The following STT3B variants were observed in gnomAD, a reference collection of about 807,000 sequenced individuals.
STT3B encodes dolichyl-diphosphooligosaccharide--protein glycosyltransferase subunit STT3B.
A neutral mutation model predicts 96.8 loss-of-function variants in STT3B; 29 were observed. The observed-to-expected ratio is 0.30, with a 90% CI of 0.22 to 0.41. STT3B has a LOEUF of 0.41. Ranked by LOEUF, STT3B falls within the 10% of genes least tolerant of loss-of-function variation. STT3B has a pLI of 1.00. For synonymous variants in STT3B, 367 were observed against 360.0 expected, an observed-to-expected ratio of 1.02 and a Z score of -0.22; for missense variants, 640 against 1,022.3, an observed-to-expected ratio of 0.63 and a Z score of 5.10.
chr3:31,604,138 T>A (rs749086246), intron 5 of STT3B, among the ~76,000 whole-genome samples: 1 of 152,084 alleles, frequency 6.6e-6, no homozygotes, highest in Admixed American at 6.5e-5. Context: ...CTGCAGTGAG[T>A]TGAGTAAGGA....
At chr3:31,591,046 C>G (rs989741503) in intron 3 of STT3B, among the ~76,000 whole-genome samples, 1 of 152,052 alleles carries the variant, frequency 6.6e-6, no homozygotes, top group African/African-American at 2.4e-5. Flanking sequence ...TTTTTCTTTT[C>G]AAGTTCTATC....
At chr3:31,624,763 AC>A in intron 11 of STT3B, 150 bp from the exon 12 acceptor site, 1 of 536,080 alleles carries the variant, frequency 1.9e-6, no homozygotes, top group Non-Finnish European at 3.2e-6. Flanking sequence ...TCATTGTTTC[AC>A]TTTTTTTTTT....
intron 1 of STT3B, among the ~76,000 whole-genome samples, chr3:31,551,390 A>G (rs1428269444): frequency 6.6e-6 from 1 of 151,876 alleles, no homozygotes. Flanking sequence ...TAATTTTGAA[A>G]AATTTCTGGT....
At chr3:31,533,426 G>A in intron 1 of STT3B, 114 bp downstream of exon 1, 1 of 1,249,332 alleles carries the variant, frequency 8.0e-7, no homozygotes, top group Non-Finnish European at 1.0e-6. Context: ...AGCCCCGCTC[G>A]CGTCCTGGCT....
intron 1 of STT3B, 80 bp downstream of exon 1, chr3:31,533,392 C>T (rs1696994233): frequency 7.5e-7 from 1 of 1,337,734 alleles, no homozygotes; most frequent in Non-Finnish European, 9.6e-7. Context: ...CAGCTCTCCT[C>T]GACTTGGCCC....
intron 3 of STT3B, among the ~76,000 whole-genome samples, chr3:31,580,995 CTA>C (rs1698371947): frequency 1.3e-5 from 2 of 149,476 alleles, no homozygotes; most frequent in African/African-American, 4.9e-5. Flanking sequence ...TTTTAATAAA[CTA>C]TATAATATTT....
In STT3B at chr3:31,596,824, T is replaced by G; in HGVS notation, c.738T>G (p.Val246=). The G allele has an allele frequency of 1.2e-6, 2 of 1,612,962 alleles. No individual in the cohort carries two copies. The highest frequency in any genetic ancestry group is 1.7e-6 in the Non-Finnish European group (2 of 1,179,360). ...LWVKSVKTGS[V]FWTMCCCLSY... is the part of the protein sequence containing the mutation. ...TAAAATCTGTAAAAACTGGGTCAGT[T>G]TTTTGGACAATGTGCTGCTGCTTAT... The change falls in exon 4 of 16, where the codon GTT becomes GTG. Residue 246 remains valine, a synonymous_variant. Coordinates refer to ENST00000295770, the MANE Select transcript of STT3B (RefSeq NM_178862.3).
At chr3:31,558,424 A>T (rs1381264881) in intron 1 of STT3B, among the ~76,000 whole-genome samples, 2 of 152,158 alleles carry the variant, frequency 1.3e-5, no homozygotes, top group African/African-American at 4.8e-5. Context: ...TAAAAAATCA[A>T]ATGTTTTCTC....
intron 5 of STT3B, among the ~76,000 whole-genome samples, chr3:31,611,315 A>T (rs992146335): frequency 6.6e-6 from 1 of 152,156 alleles, no homozygotes; most frequent in East Asian, 1.9e-4. Flanking sequence ...GATTTTTAGC[A>T]ATTTATCTGA....
chr3:31,554,898 T>C (rs1316820127), intron 1 of STT3B, among the ~76,000 whole-genome samples: 10 of 152,164 alleles, frequency 6.6e-5, no homozygotes. Flanking sequence ...AGTGATTGTT[T>C]ACCTATATTG....
intron 1 of STT3B, among the ~76,000 whole-genome samples, chr3:31,563,865 G>A (rs1387894716): frequency 1.3e-5 from 2 of 152,052 alleles, no homozygotes; most frequent in Non-Finnish European, 2.9e-5. Context: ...AGTGTAGTGG[G>A]CGCGATCTTG....
rs868856819 is a variant in STT3B, at chr3:31,625,835, A to G, written c.1900-119A>G. ...GAATTCATAGTAAATCATTTCTGCA[A>G]AAAAATTCCATGTAAAACAAACTCT... On this transcript the variant is annotated intron_variant, in intron 12 of 15. Transcript: ENST00000295770. The G allele has an allele frequency of 1.4e-5, 13 of 955,486 alleles. No homozygotes were observed. The East Asian group carries it at 1.6e-4, about 12-fold the overall frequency. The allele number at this position is 955,486 out of a possible 1,614,324, so 59.2% of individuals were successfully genotyped here. A position where few individuals can be genotyped will look rare whatever the true frequency, so the allele number is the denominator to read the frequency against.
intron 1 of STT3B, 78 bp from the exon 2 acceptor site, chr3:31,576,318 G>A: frequency 1.6e-6 from 1 of 639,958 alleles, no homozygotes; most frequent in African/African-American, 1.9e-5. Flanking sequence ...CATTTATGTA[G>A]CCACAGAGTT....
chr3:31,553,286 C>T (rs901804313), intron 1 of STT3B, among the ~76,000 whole-genome samples: 4 of 151,932 alleles, frequency 2.6e-5, no homozygotes, highest in African/African-American at 9.7e-5. Context: ...AAACCTGTGT[C>T]CTTAAAAAAG....
intron 3 of STT3B, among the ~76,000 whole-genome samples, chr3:31,582,320 C>A: frequency 7.4e-6 from 1 of 134,830 alleles, no homozygotes. Context: ...TTTTTGGAGA[C>A]GGAGTCTTGC....
intron 1 of STT3B, among the ~76,000 whole-genome samples, chr3:31,569,791 A>T (rs778633226): frequency 6.6e-6 from 1 of 152,078 alleles, no homozygotes; most frequent in Non-Finnish European, 1.5e-5. Flanking sequence ...TATTGGGGGA[A>T]AACTATAATT....
At chr3:31,578,715 G>C (rs996350002) in intron 2 of STT3B, among the ~76,000 whole-genome samples, 1 of 151,812 alleles carries the variant, frequency 6.6e-6, no homozygotes, top group Non-Finnish European at 1.5e-5. Flanking sequence ...CATGCAGTAG[G>C]TATTGAGCAT....
intron 1 of STT3B, among the ~76,000 whole-genome samples, chr3:31,540,797 G>C (rs970731947): frequency 1.3e-5 from 2 of 152,112 alleles, no homozygotes; most frequent in East Asian, 3.8e-4. Context: ...TATATCCACA[G>C]CTTAAATTAT....
intron 13 of STT3B, 96 bp from the exon 14 acceptor site, chr3:31,629,202 C>T: frequency 1.4e-6 from 1 of 731,908 alleles, no homozygotes; most frequent in South Asian, 1.6e-5. Flanking sequence ...AAAGATACCT[C>T]AGAAGCTTAT....
Sources: allele counts gnomAD v4.1 joint callset (sites outside exome capture counted in the v4.1 genomes callset), GRCh38; gene constraint gnomAD v4.1.1; transcripts MANE v1.5; gene names NCBI Gene and HGNC (gene_info 2026-07-23, HGNC 2026-07-21).